ATP6V0D2: variants seen among roughly 807,000 people sequenced by gnomAD.
ATP6V0D2 encodes the protein V-type proton ATPase subunit d 2.
In ATP6V0D2, 40 loss-of-function variants were observed where a neutral mutation model predicts 40.0. That is an observed-to-expected ratio of 1.00 (90% confidence interval 0.78 to 1.30). The LOEUF is 1.30. Ranked by LOEUF, ATP6V0D2 falls within the 50% of genes most tolerant of loss-of-function variation. ATP6V0D2 has a pLI of 0.00. For synonymous variants in ATP6V0D2, 179 were observed against 156.3 expected (o/e 1.15, Z -1.08); for missense variants, 470 against 423.1 (o/e 1.11, Z -0.97).
intron 2 of ATP6V0D2, among the ~76,000 whole-genome samples, chr8:86,121,817 C>G (rs763535325): frequency 1.8e-4 from 27 of 151,968 alleles, no homozygotes; most frequent in Non-Finnish European, 3.1e-4. Flanking sequence ...TAGAAAATGC[C>G]CGAGACAACG....
chr8:86,099,008 C>A lies in ATP6V0D2; in HGVS notation c.30C>A (p.Asn10Lys). Residue 10 changes from asparagine to lysine, a missense_variant, in exon 1 of 8, where the codon AAC becomes AAA. Physicochemically the swap from Asn to Lys is moderately conservative, Grantham distance 94. Coordinates refer to ENST00000285393, the MANE Select transcript of ATP6V0D2 (RefSeq NM_152565.1). ...TCGAAGGTGCGGAGCTGTACTTCAA[C>A]GTGGACCATGGCTACCTGGAGGGCC... MLEGAELYF[N>K]VDHGYLEGLV... The A allele has an allele frequency of 1.2e-6, 2 of 1,614,072 alleles. No individual in the cohort carries two copies. Among genetic ancestry groups the A allele is most frequent in the South Asian group, 2.2e-5 (2 of 91,072 alleles).
chr8:86,130,923 C>G lies in ATP6V0D2; in HGVS notation c.303-8534C>G, dbSNP rs146742860. 4.6e-3 allele frequency among the ~76,000 whole-genome samples: 697 copies of G among 152,218 alleles called. 6 individuals carry two copies. Among genetic ancestry groups the G allele is most frequent in the African/African-American group, 0.016 (662 of 41,530 alleles). The stretch of plus-strand genomic sequence containing the variant: ...GGGTTTATCTCCGTCTCTGCTCACT[C>G]TGACTCAGTACTTGTAAGCACATCA... On this transcript the variant is annotated intron_variant, in intron 2 of 7. Transcript: ENST00000285393.
chr8:86,140,194 G>A (rs1355517230), intron 3 of ATP6V0D2, among the ~76,000 whole-genome samples: 1 of 152,130 alleles, frequency 6.6e-6, no homozygotes, highest in Non-Finnish European at 1.5e-5. Flanking sequence ...GCACTAACAA[G>A]AGTTGTGTTC....
chr8:86,149,326 C>T (rs1317819901), intron 5 of ATP6V0D2, among the ~76,000 whole-genome samples: 4 of 151,790 alleles, frequency 2.6e-5, no homozygotes, highest in African/African-American at 9.7e-5. Context: ...GGAATAGAAA[C>T]GAAATTTCAA....
rs371843395 is a variant in ATP6V0D2 at position 86,149,967 on chromosome 8, A to G, written c.640-145A>G. 36 of 709,470 alleles carry G rather than the reference A, an allele frequency of 5.1e-5. No homozygotes were observed. In the African/African-American group the frequency reaches 5.4e-4, roughly 11 times the overall value. 43.9% of individuals were successfully genotyped at this position (709,470 alleles called of 1,614,324 possible). A position where few individuals can be genotyped will look rare whatever the true frequency, so the allele number is the denominator to read the frequency against. ...CATTACAAGAAAAGACTAAGGGAAC[A>G]CTAATAACACATGTCTGGAGTATAA... On this transcript the variant is annotated intron_variant, in intron 5 of 7. Coordinates refer to ENST00000285393, the MANE Select transcript of ATP6V0D2 (RefSeq NM_152565.1).
intron 2 of ATP6V0D2, among the ~76,000 whole-genome samples, chr8:86,117,213 GT>G (rs1358665599): frequency 6.6e-6 from 1 of 152,104 alleles, no homozygotes; most frequent in East Asian, 1.9e-4. Flanking sequence ...ACTCATCAAT[GT>G]TTTCATTCAT....
chr8:86,132,003 CCT>C (rs1818831839), intron 2 of ATP6V0D2, among the ~76,000 whole-genome samples: 1 of 152,036 alleles, frequency 6.6e-6, no homozygotes. Flanking sequence ...ATCCTGAGTG[CCT>C]ATATGTATAT....
chr8:86,127,110 T>C (rs563767719), intron 2 of ATP6V0D2, among the ~76,000 whole-genome samples: 3 of 152,294 alleles, frequency 2.0e-5, no homozygotes, highest in East Asian at 3.9e-4. Context: ...AAAGGGAAGC[T>C]TCAGAGAAGG....
chr8:86,118,396 G>A (rs1249940368), intron 2 of ATP6V0D2, among the ~76,000 whole-genome samples: 2 of 151,896 alleles, frequency 1.3e-5, no homozygotes, highest in African/African-American at 2.4e-5. Flanking sequence ...TCAAGGTTGT[G>A]TGTATATGTG....
At chr8:86,129,154 T>A (rs1408709884) in intron 2 of ATP6V0D2, among the ~76,000 whole-genome samples, 1 of 152,236 alleles carries the variant, frequency 6.6e-6, no homozygotes, top group East Asian at 1.9e-4. Context: ...CAAAGTTGAA[T>A]GAATATTTTC....
chr8:86,130,737 GC>G (rs1818812861), intron 2 of ATP6V0D2, among the ~76,000 whole-genome samples: 1 of 152,050 alleles, frequency 6.6e-6, no homozygotes, highest in Non-Finnish European at 1.5e-5. Context: ...CCAGAGTGAA[GC>G]CCTCCTTCCT....
chr8:86,110,987 G>T lies in ATP6V0D2; in HGVS notation c.131-2722G>T, dbSNP rs186277069. Among the ~76,000 whole-genome samples the T allele has an allele frequency of 1.4e-4, 21 of 151,968 alleles. No individual in the cohort carries two copies. The East Asian group carries it at 2.9e-3, about 21-fold the overall frequency. On this transcript the variant is annotated intron_variant, in intron 1 of 7. Coordinates refer to ENST00000285393, the MANE Select transcript of ATP6V0D2 (RefSeq NM_152565.1). ...TTCACATACTTATTTTTTGTGGGGA[G>T]AACACAAAATCTACTCTTTACATGA...
Position 86,110,284 on chromosome 8 carries a change from G to A in ATP6V0D2, c.131-3425G>A, listed in dbSNP as rs138929425. Among the ~76,000 whole-genome samples the A allele has an allele frequency of 6.3e-4, 96 of 152,168 alleles. 2 individuals carry two copies. The East Asian group carries it at 0.016, about 25-fold the overall frequency. On this transcript the variant is annotated intron_variant, in intron 1 of 7. Coordinates refer to ENST00000285393, the MANE Select transcript of ATP6V0D2 (RefSeq NM_152565.1). The stretch of plus-strand genomic sequence containing the variant: ...TAATTTTTGTCTTTTTAGTAGAGAC[G>A]GGGTTTCACCATGTTGGCCAGGTTG...
At chr8:86,112,873 G>A (rs7001674) in intron 1 of ATP6V0D2, among the ~76,000 whole-genome samples, 1 of 151,822 alleles carries the variant, frequency 6.6e-6, no homozygotes, top group Non-Finnish European at 1.5e-5. Flanking sequence ...GGGACTAATC[G>A]CCTACTTCAG....
chr8:86,135,056 A>T (rs996495518), intron 2 of ATP6V0D2, among the ~76,000 whole-genome samples: 2 of 152,150 alleles, frequency 1.3e-5, no homozygotes, highest in Non-Finnish European at 2.9e-5. Flanking sequence ...TGGGTGTGAC[A>T]ATGAAGAGGT....
At chr8:86,126,041 G>C (rs1337746919) in intron 2 of ATP6V0D2, among the ~76,000 whole-genome samples, 1 of 149,834 alleles carries the variant, frequency 6.7e-6, no homozygotes, top group Non-Finnish European at 1.5e-5. Context: ...GAGTTTTAGT[G>C]ATTCTCCTGC....
chr8:86,126,619 C>T (rs930591099), intron 2 of ATP6V0D2, among the ~76,000 whole-genome samples: 1 of 151,636 alleles, frequency 6.6e-6, no homozygotes, highest in Non-Finnish European at 1.5e-5. Context: ...CTGCTACTGC[C>T]AATGTATATA....
intron 2 of ATP6V0D2, among the ~76,000 whole-genome samples, chr8:86,125,166 T>C (rs1453998275): frequency 6.6e-6 from 1 of 151,862 alleles, no homozygotes; most frequent in African/African-American, 2.4e-5. Context: ...GTTAAGGTAA[T>C]GGATGTGAAA....
chr8:86,119,729 T>C (rs1818644123), intron 2 of ATP6V0D2, among the ~76,000 whole-genome samples: 1 of 152,106 alleles, frequency 6.6e-6, no homozygotes, highest in South Asian at 2.1e-4. Context: ...AAGCCCAGGG[T>C]GGAATGCTAA....
Sources: allele counts gnomAD v4.1 joint callset (sites outside exome capture counted in the v4.1 genomes callset), GRCh38; gene constraint gnomAD v4.1.1; transcripts MANE v1.5; gene names NCBI Gene and HGNC (gene_info 2026-07-23, HGNC 2026-07-21).